The following CIB4 variants were observed in gnomAD, a reference collection of about 807,000 sequenced individuals.
The protein encoded by CIB4 is calcium and integrin-binding family member 4.
In CIB4, 25 loss-of-function variants were observed where a neutral mutation model predicts 25.8. The observed-to-expected ratio is 0.97, with a 90% CI of 0.71 to 1.35. The LOEUF is 1.35. Ranked by LOEUF, CIB4 falls within the 40% of genes most tolerant of loss-of-function variation. CIB4 has a pLI of 0.00. For synonymous variants in CIB4, 75 were observed against 81.4 expected (o/e 0.92, Z 0.42); for missense variants, 235 against 228.2 (o/e 1.03, Z -0.19).
chr2:26,613,607 C>T (rs775820906), intron 3 of CIB4, among the ~76,000 whole-genome samples: 3 of 152,220 alleles, frequency 2.0e-5, no homozygotes, highest in Non-Finnish European at 2.9e-5. Context: ...GTAGGCAGGG[C>T]TGCTATCATT....
intron 2 of CIB4, among the ~76,000 whole-genome samples, chr2:26,630,417 G>A (rs1669395003): frequency 6.6e-6 from 1 of 152,150 alleles, no homozygotes; most frequent in South Asian, 2.1e-4. Context: ...TGTGACCTCG[G>A]GCAACTCACT....
intron 4 of CIB4, among the ~76,000 whole-genome samples, chr2:26,588,990 C>CT (rs1175031425): frequency 1.5e-4 from 1 of 6,852 alleles, no homozygotes; most frequent in African/African-American, 4.1e-4. Context: ...TCTTCTTCTT[C>CT]TTCTTCTTCT....
intron 2 of CIB4, among the ~76,000 whole-genome samples, chr2:26,639,194 CTT>C (rs56799418): frequency 7.1e-6 from 1 of 141,832 alleles, no homozygotes; most frequent in Admixed American, 7.1e-5. Context: ...TTTGAATTTT[CTT>C]TTTTTTTTTT....
intron 2 of CIB4, among the ~76,000 whole-genome samples, chr2:26,635,024 T>G (rs979991746): frequency 3.9e-5 from 6 of 152,252 alleles, no homozygotes; most frequent in Admixed American, 3.9e-4. Flanking sequence ...CTGCAGGGTC[T>G]GCACGGTCTG....
chr2:26,632,722 C>A (rs905241510), intron 2 of CIB4, among the ~76,000 whole-genome samples: 2 of 149,158 alleles, frequency 1.3e-5, no homozygotes, highest in Admixed American at 6.7e-5. Flanking sequence ...TGCGCCATTG[C>A]ACGCCAGCTT....
chr2:26,616,033 C>G (rs1323348917), intron 3 of CIB4, among the ~76,000 whole-genome samples: 3 of 152,210 alleles, frequency 2.0e-5, no homozygotes, highest in Admixed American at 6.5e-5. Flanking sequence ...CACTGGAGAG[C>G]AAGGCTGCCG....
At chr2:26,628,722 C>T (rs994417697) in intron 3 of CIB4, among the ~76,000 whole-genome samples, 2 of 152,190 alleles carry the variant, frequency 1.3e-5, no homozygotes, top group Admixed American at 6.5e-5. Flanking sequence ...CTCTGGGCCC[C>T]GAGCCCTGCT....
chr2:26,594,947 A>G (rs946401777), intron 4 of CIB4, among the ~76,000 whole-genome samples: 3 of 152,062 alleles, frequency 2.0e-5, no homozygotes, highest in Non-Finnish European at 4.4e-5. Flanking sequence ...ATCAACGCCA[A>G]TGACCCCATT....
At chr2:26,589,694 G>A (rs1443407404) in intron 4 of CIB4, among the ~76,000 whole-genome samples, 3 of 152,294 alleles carry the variant, frequency 2.0e-5, no homozygotes, top group Non-Finnish European at 4.4e-5. Flanking sequence ...TTTTCAGGAT[G>A]ACACCATGTC....
chr2:26,595,801 G>C (rs1370832472), intron 3 of CIB4, among the ~76,000 whole-genome samples: 2 of 152,332 alleles, frequency 1.3e-5, no homozygotes, highest in South Asian at 2.1e-4. Flanking sequence ...TTTTCCCTGG[G>C]GACCTCCCCT....
chr2:26,617,120 A>ATGTGTGCGTGTGTG (rs1553376474), intron 3 of CIB4, among the ~76,000 whole-genome samples: 2 of 137,724 alleles, frequency 1.5e-5, no homozygotes, highest in Non-Finnish European at 3.1e-5. Flanking sequence ...AGAGCATGGA[A>ATGTGTGCGTGTGTG]TGTGTGTGTG....
Position 26,631,044 on chromosome 2 carries a change from A to G in CIB4, c.90-1538T>C, listed in dbSNP as rs142115579. ...CTCTCCTGTCTTCCATCAAACCTCT[A>G]CTCTCCTGAGAGGCCAGCAATCCCA... is the stretch of plus-strand genomic sequence containing the variant. On this transcript the variant is annotated intron_variant, in intron 2 of 6. Transcript: ENST00000288861. Among the ~76,000 whole-genome samples the G allele has an allele frequency of 9.3e-3, 1,401 of 150,836 alleles. 11 individuals carry two copies. The highest frequency in any genetic ancestry group is 0.014 in the Non-Finnish European group (931 of 67,714).
intron 4 of CIB4, 43 bp from the exon 5 acceptor site, chr2:26,583,941 C>T (rs1446236731): frequency 7.6e-7 from 1 of 1,308,430 alleles, no homozygotes; most frequent in Non-Finnish European, 1.1e-6. Flanking sequence ...GAGCTGGGGG[C>T]TAAACAGGAA....
At chr2:26,587,132 C>G (rs1208741504) in intron 4 of CIB4, among the ~76,000 whole-genome samples, 2 of 151,848 alleles carry the variant, frequency 1.3e-5, no homozygotes, top group Non-Finnish European at 2.9e-5. Context: ...CAGTGAAACC[C>G]CGTCTCTACT....
chr2:26,615,100 T>C (rs181198368), intron 3 of CIB4, among the ~76,000 whole-genome samples: 73 of 152,298 alleles, frequency 4.8e-4, no homozygotes, highest in Admixed American at 8.5e-4. Flanking sequence ...CCAGACTAGC[T>C]GGGTGACTGA....
At chr2:26,609,062 CA>C (rs1442671187) in intron 3 of CIB4, among the ~76,000 whole-genome samples, 1 of 152,208 alleles carries the variant, frequency 6.6e-6, no homozygotes, top group Non-Finnish European at 1.5e-5. Context: ...CCAAATAAAG[CA>C]CTGTTGTTAA....
intron 2 of CIB4, among the ~76,000 whole-genome samples, chr2:26,630,866 C>T (rs1206598396): frequency 6.6e-6 from 1 of 152,148 alleles, no homozygotes; most frequent in Non-Finnish European, 1.5e-5. Context: ...CTCCTATACT[C>T]CAGGTGCCCC....
At chr2:26,610,378 C>T (rs1314260570) in intron 3 of CIB4, among the ~76,000 whole-genome samples, 2 of 152,230 alleles carry the variant, frequency 1.3e-5, no homozygotes, top group Non-Finnish European at 1.5e-5. Context: ...TCCCCCTGCC[C>T]ACCCACTGCC....
At chr2:26,608,818 G>A (rs1023960970) in intron 3 of CIB4, among the ~76,000 whole-genome samples, 19 of 152,098 alleles carry the variant, frequency 1.2e-4, no homozygotes, top group African/African-American at 3.1e-4. Context: ...GTGGGTGGCC[G>A]GGCCCTGCAG....
Sources: allele counts gnomAD v4.1 joint callset (sites outside exome capture counted in the v4.1 genomes callset), GRCh38; gene constraint gnomAD v4.1.1; transcripts MANE v1.5; gene names NCBI Gene and HGNC (gene_info 2026-07-23, HGNC 2026-07-21).